Variants in NREP observed in about 807,000 individuals in gnomAD.
The protein encoded by NREP is neuronal regeneration related protein, also known as neuronal regeneration-related protein.
In NREP, 5 loss-of-function variants were observed where a neutral mutation model predicts 8.6. That is an observed-to-expected ratio of 0.58 (90% confidence interval 0.30 to 1.22). The LOEUF is 1.22. Ranked by LOEUF, NREP falls within the 50% of genes most tolerant of loss-of-function variation. The pLI is 0.07. For synonymous variants in NREP, 27 were observed against 28.0 expected (o/e 0.96, Z 0.11); for missense variants, 86 against 82.5 (o/e 1.04, Z -0.17).
chr5:111,771,261 A>G (rs1751219559), intron 2 of NREP, among the ~76,000 whole-genome samples: 3 of 152,162 alleles, frequency 2.0e-5, no homozygotes, highest in Admixed American at 2.0e-4. Context: ...CACCTGTGAA[A>G]TCTCTCTTAC....
chr5:111,895,146 T>C (rs1044234788), intron 2 of NREP, among the ~76,000 whole-genome samples: 4 of 152,218 alleles, frequency 2.6e-5, no homozygotes, highest in African/African-American at 9.6e-5. Flanking sequence ...CTTTCAATTG[T>C]GTTTGTTACA....
chr5:111,820,391 G>C (rs1158784189), intron 2 of NREP, among the ~76,000 whole-genome samples: 1 of 152,200 alleles, frequency 6.6e-6, no homozygotes, highest in Non-Finnish European at 1.5e-5. Flanking sequence ...GGAGCTGCAA[G>C]TAAGTCTTAG....
intron 2 of NREP, among the ~76,000 whole-genome samples, chr5:111,800,155 C>T (rs777233546): frequency 2.0e-5 from 3 of 151,462 alleles, no homozygotes; most frequent in African/African-American, 7.3e-5. Context: ...ATCTCAAACT[C>T]CTGCCCTTGT....
chr5:111,952,977 A>G (rs1756207170), intron 2 of NREP, among the ~76,000 whole-genome samples: 1 of 152,068 alleles, frequency 6.6e-6, no homozygotes, highest in Non-Finnish European at 1.5e-5. Context: ...CATCATGAAG[A>G]CATGAGTCCC....
At chr5:111,865,476 C>A (rs777285774) in intron 2 of NREP, among the ~76,000 whole-genome samples, 3 of 152,132 alleles carry the variant, frequency 2.0e-5, no homozygotes, top group Non-Finnish European at 4.4e-5. Flanking sequence ...ATGTGAATGG[C>A]AACATGTAAC....
chr5:111,827,438 G>GCTACA (rs1284428062), intron 2 of NREP, among the ~76,000 whole-genome samples: 3 of 152,216 alleles, frequency 2.0e-5, no homozygotes, highest in Non-Finnish European at 1.5e-5. Context: ...TTACAAAATG[G>GCTACA]CTACACAATG....
chr5:111,795,007 A>G lies in NREP; in HGVS notation c.136-59500T>C, dbSNP rs894680297. On this transcript the variant is annotated intron_variant, in intron 2 of 3. Coordinates refer to the NREP transcript ENST00000395634. ...TTTAAAGCTGCTCTAAAAAAAAAAA[A>G]AAAAGAAAAAAAGCCGGAAAAATGT... 3.3e-5 allele frequency among the ~76,000 whole-genome samples: 5 copies of G among 152,020 alleles called. 1 individual carries two copies. In the South Asian group the frequency reaches 8.3e-4, roughly 25 times the overall value.
chr5:111,926,080 A>T (rs1055497398), intron 2 of NREP, among the ~76,000 whole-genome samples: 1 of 152,140 alleles, frequency 6.6e-6, no homozygotes, highest in African/African-American at 2.4e-5. Context: ...GCCTCTATAT[A>T]ACTGCTGGGG....
At chr5:111,784,199 C>A (rs909549102) in intron 2 of NREP, among the ~76,000 whole-genome samples, 1 of 152,026 alleles carries the variant, frequency 6.6e-6, no homozygotes, top group Non-Finnish European at 1.5e-5. Flanking sequence ...AATGGACTTA[C>A]AGGAGGTATA....
chr5:111,964,113 T>C (rs1024942141), intron 2 of NREP, among the ~76,000 whole-genome samples: 3 of 152,220 alleles, frequency 2.0e-5, no homozygotes, highest in Non-Finnish European at 2.9e-5. Context: ...AATCGTTCTC[T>C]TATGTATGTA....
intron 2 of NREP, among the ~76,000 whole-genome samples, chr5:111,973,771 C>T (rs1756887087): frequency 6.6e-6 from 1 of 152,116 alleles, no homozygotes; most frequent in Non-Finnish European, 1.5e-5. Context: ...TATTCACAAG[C>T]CTAAATCAAA....
chr5:111,789,404 T>C (rs1485008948), intron 2 of NREP, among the ~76,000 whole-genome samples: 1 of 152,204 alleles, frequency 6.6e-6, no homozygotes, highest in South Asian at 2.1e-4. Flanking sequence ...TCCACCTAAA[T>C]AGAGGCAGAG....
chr5:111,887,672 A>G (rs1754294846), intron 2 of NREP, among the ~76,000 whole-genome samples: 1 of 152,150 alleles, frequency 6.6e-6, no homozygotes, highest in African/African-American at 2.4e-5. Flanking sequence ...TTGCTTGGCT[A>G]TTTTTCACTG....
intron 2 of NREP, among the ~76,000 whole-genome samples, chr5:111,788,359 G>A (rs576310079): frequency 4.6e-5 from 7 of 152,260 alleles, no homozygotes; most frequent in East Asian, 1.9e-4. Context: ...TATTTTGGAC[G>A]AAGTGTTGGC....
chr5:111,895,536 T>G (rs1242851197), intron 2 of NREP, among the ~76,000 whole-genome samples: 2 of 151,974 alleles, frequency 1.3e-5, no homozygotes, highest in Non-Finnish European at 2.9e-5. Context: ...CGAGGGCCAG[T>G]GCAACATAAT....
At chr5:111,841,801 G>A (rs750969407) in intron 2 of NREP, among the ~76,000 whole-genome samples, 5 of 152,112 alleles carry the variant, frequency 3.3e-5, no homozygotes, top group Non-Finnish European at 7.4e-5. Flanking sequence ...AATAAGCAGA[G>A]TAGAGATAAG....
intron 2 of NREP, among the ~76,000 whole-genome samples, chr5:111,905,665 G>A (rs1754764028): frequency 6.6e-6 from 1 of 152,046 alleles, no homozygotes; most frequent in African/African-American, 2.4e-5. Context: ...ATGATTCAAT[G>A]TTTTAGTGCT....
rs1410545779 is a variant in NREP, at chr5:111,730,834, G to GATT, written c.*84_*86dup. 6 of 1,448,250 alleles carry GATT rather than the reference G, an allele frequency of 4.1e-6. No homozygotes were observed. In the African/African-American group the frequency reaches 8.5e-5, roughly 20 times the overall value. 89.7% of individuals were successfully genotyped at this position (1,448,250 alleles called of 1,614,324 possible). A position where few individuals can be genotyped will look rare whatever the true frequency, so the allele number is the denominator to read the frequency against. On this transcript the variant is annotated 3_prime_UTR_variant, in exon 4 of 4. Transcript: ENST00000257435. ...CCCATAGTTTCTTCTTATACTTGAT[G>GATT]ATTTACACAGAAAAAAATCCCATAT...
intron 2 of NREP, among the ~76,000 whole-genome samples, chr5:111,737,265 A>G (rs1233545079): frequency 2.0e-5 from 3 of 152,218 alleles, no homozygotes; most frequent in African/African-American, 7.2e-5. Flanking sequence ...TCAGACTTAT[A>G]ACAAAGTCAC....
Sources: allele counts gnomAD v4.1 joint callset (sites outside exome capture counted in the v4.1 genomes callset), GRCh38; gene constraint gnomAD v4.1.1; transcripts MANE v1.5; gene names NCBI Gene and HGNC (gene_info 2026-07-23, HGNC 2026-07-21).